The following RBFOX1 variants were observed in gnomAD, a reference collection of about 807,000 sequenced individuals.
The protein encoded by RBFOX1 is RNA binding fox-1 homolog 1.
In RBFOX1, 8 loss-of-function variants were observed where a neutral mutation model predicts 57.7. The ratio of observed to expected loss-of-function variants is 0.14; its 90% CI spans 0.08 to 0.25. The LOEUF is 0.25. Ranked by LOEUF, RBFOX1 falls within the 10% of genes least tolerant of loss-of-function variation. The probability of loss-of-function intolerance (pLI) is 1.00; values close to 1 mark genes in which losing one functional copy is unlikely to be tolerated. For synonymous variants in RBFOX1, 326 were observed against 222.4 expected, an observed-to-expected ratio of 1.47 and a Z score of -4.15; for missense variants, 611 against 548.5, an observed-to-expected ratio of 1.11 and a Z score of -1.14.
intron 4 of RBFOX1, among the ~76,000 whole-genome samples, chr16:7,292,034 A>C: frequency 7.1e-6 from 1 of 140,926 alleles, no homozygotes; most frequent in Non-Finnish European, 1.5e-5. Flanking sequence ...TATATTATAC[A>C]ATTATAGTAT....
At chr16:6,961,148 C>T (rs1370032038) in intron 3 of RBFOX1, among the ~76,000 whole-genome samples, 3 of 150,632 alleles carry the variant, frequency 2.0e-5, no homozygotes, top group Admixed American at 6.6e-5. Context: ...CACACACCCA[C>T]ACAGACACAC....
At chr16:5,875,700 A>C (rs977240948) in intron 4 of RBFOX1, among the ~76,000 whole-genome samples, 6 of 152,210 alleles carry the variant, frequency 3.9e-5, no homozygotes, top group African/African-American at 1.2e-4. Context: ...CATCATTCCT[A>C]AGAGTGTTTC....
chr16:7,045,708 G>A (rs1414476353), intron 3 of RBFOX1, among the ~76,000 whole-genome samples: 1 of 151,956 alleles, frequency 6.6e-6, no homozygotes, highest in Non-Finnish European at 1.5e-5. Context: ...AGGCTGGAGT[G>A]CAGTGGCTTG....
chr16:6,150,466 T>TA lies in RBFOX1; in HGVS notation c.-127+130484dup, dbSNP rs370034314. ...AAATTCTTTCCTTTCTGTTTTCCATTAAAAAAAAAATAAGATAAAATTAGT... is the reference window on the plus strand; with the variant it reads ...AAATTCTTTCCTTTCTGTTTTCCATTAAAAAAAAAAATAAGATAAAATTAGT... On this transcript the variant is annotated intron_variant, in intron 1 of 15. Coordinates refer to ENST00000550418, the MANE Select transcript of RBFOX1 (RefSeq NM_018723.4). Among the ~76,000 whole-genome samples the TA allele has an allele frequency of 6.0e-3, 895 of 148,698 alleles. 12 individuals carry two copies. Among genetic ancestry groups the TA allele is most frequent in the African/African-American group, 0.021 (839 of 40,722 alleles).
chr16:6,385,437 G>A (rs1357084811), intron 2 of RBFOX1, among the ~76,000 whole-genome samples: 1 of 152,184 alleles, frequency 6.6e-6, no homozygotes, highest in Non-Finnish European at 1.5e-5. Context: ...TTGGCTCACT[G>A]CAATCTCCTC....
At chr16:7,224,829 C>G (rs2092990488) in intron 4 of RBFOX1, among the ~76,000 whole-genome samples, 1 of 152,088 alleles carries the variant, frequency 6.6e-6, no homozygotes, top group African/African-American at 2.4e-5. Flanking sequence ...GAAATGCAGA[C>G]TGTTATGTTC....
intron 4 of RBFOX1, among the ~76,000 whole-genome samples, chr16:7,271,304 C>G (rs1345147747): frequency 6.6e-6 from 1 of 151,304 alleles, no homozygotes; most frequent in East Asian, 2.0e-4. Flanking sequence ...TTCCTAGCTG[C>G]AAAAAGACGG....
intron 1 of RBFOX1, among the ~76,000 whole-genome samples, chr16:6,182,023 A>T (rs950700039): frequency 6.6e-6 from 1 of 152,202 alleles, no homozygotes; most frequent in African/African-American, 2.4e-5. Flanking sequence ...GTTCAGTCAC[A>T]TGGTCCCACT....
intron 3 of RBFOX1, among the ~76,000 whole-genome samples, chr16:6,753,507 A>G (rs1048088611): frequency 1.3e-5 from 2 of 152,142 alleles, no homozygotes; most frequent in Non-Finnish European, 2.9e-5. Context: ...TTCATCTCCT[A>G]TACCATGTCT....
intron 1 of RBFOX1, among the ~76,000 whole-genome samples, chr16:6,086,482 A>C (rs1724746777): frequency 7.7e-6 from 1 of 129,582 alleles, no homozygotes; most frequent in Admixed American, 7.9e-5. Flanking sequence ...TGACAACAGC[A>C]TCCCCGTTCA....
chr16:6,651,182 G>C (rs767529131), intron 2 of RBFOX1, among the ~76,000 whole-genome samples: 1 of 152,146 alleles, frequency 6.6e-6, no homozygotes, highest in African/African-American at 2.4e-5. Flanking sequence ...GATTGCAGGC[G>C]TGAGCCACCA....
chr16:6,779,080 T>C (rs1311632490), intron 3 of RBFOX1, among the ~76,000 whole-genome samples: 2 of 152,060 alleles, frequency 1.3e-5, no homozygotes, highest in Non-Finnish European at 2.9e-5. Context: ...ATAGTTGTCC[T>C]ATTGTGCTAG....
intron 4 of RBFOX1, among the ~76,000 whole-genome samples, chr16:7,388,227 G>T (rs954828231): frequency 6.6e-6 from 1 of 152,126 alleles, no homozygotes; most frequent in Non-Finnish European, 1.5e-5. Flanking sequence ...GACACACAAG[G>T]TTGGTGTGAT....
At chr16:5,494,076 G>A (rs1002734875) in intron 2 of RBFOX1, among the ~76,000 whole-genome samples, 1 of 152,148 alleles carries the variant, frequency 6.6e-6, no homozygotes, top group African/African-American at 2.4e-5. Context: ...TTTCAATGAC[G>A]GGGTGTTCCT....
intron 3 of RBFOX1, among the ~76,000 whole-genome samples, chr16:6,977,089 T>TA: frequency 6.9e-6 from 1 of 144,884 alleles, no homozygotes; most frequent in Middle Eastern, 3.6e-3. Context: ...TGATCTATAT[T>TA]TTATATATAT....
chr16:6,157,010 T>A (rs2096842984), intron 1 of RBFOX1, among the ~76,000 whole-genome samples: 1 of 151,876 alleles, frequency 6.6e-6, no homozygotes, highest in African/African-American at 2.4e-5. Flanking sequence ...GTTTTTCGCA[T>A]TTTTTTGTAG....
At chr16:7,235,767 G>T (rs140355260) in intron 4 of RBFOX1, among the ~76,000 whole-genome samples, 4,408 of 152,264 alleles carry the variant, frequency 0.029, 88 homozygotes, top group Middle Eastern at 0.061. Context: ...TGTTAAAAAT[G>T]TTTAAAGCTA....
At chr16:7,420,200 G>C (rs376793411) in intron 4 of RBFOX1, among the ~76,000 whole-genome samples, 20 of 151,932 alleles carry the variant, frequency 1.3e-4, no homozygotes, top group African/African-American at 4.8e-4. Flanking sequence ...ATACAGATGG[G>C]GCACATGACC....
intron 3 of RBFOX1, among the ~76,000 whole-genome samples, chr16:6,834,209 G>A (rs1362276547): frequency 6.6e-6 from 1 of 152,010 alleles, no homozygotes; most frequent in Non-Finnish European, 1.5e-5. Context: ...AGGTAGCTGG[G>A]ATTACAGGTG....
Sources: gnomAD v4.1 joint callset for allele counts (sites outside exome capture counted in the v4.1 genomes callset) on GRCh38, gnomAD v4.1.1 for gene constraint, MANE v1.5 for transcripts, NCBI Gene and HGNC (gene_info 2026-07-23, HGNC 2026-07-21) for gene names.